The following PROZ variants were observed in gnomAD, a reference collection of about 807,000 sequenced individuals.
PROZ encodes vitamin K-dependent protein Z.
A neutral mutation model predicts 34.9 loss-of-function variants in PROZ; 46 were observed. The observed-to-expected ratio is 1.32, with a 90% CI of 1.04 to 1.69. The LOEUF is 1.69. Among genes scored for constraint, PROZ ranks in the 40% most tolerant of loss-of-function variants. The probability of loss-of-function intolerance (pLI) is 0.00; values close to 1 mark genes in which losing one functional copy is unlikely to be tolerated. For synonymous variants in PROZ, 195 were observed against 208.5 expected, an observed-to-expected ratio of 0.94 and a Z score of 0.56; for missense variants, 530 against 520.4, an observed-to-expected ratio of 1.02 and a Z score of -0.18.
chr13:113,170,664 G>T, intron 7 of PROZ, 134 bp downstream of exon 7: 1 of 666,980 alleles, frequency 1.5e-6, no homozygotes, highest in Non-Finnish European at 2.7e-6. Flanking sequence ...ATAAAACTGA[G>T]ATACTTATCA....
At position 113,159,048 on chromosome 13, in the gene PROZ, G is replaced by C. The variant is rs970792845; in HGVS notation, c.70+318G>C. The C allele has an allele frequency of 4.4e-6, 3 of 678,744 alleles. No homozygotes were observed. Among genetic ancestry groups the C allele is most frequent in the Non-Finnish European group, 7.8e-6 (3 of 386,422 alleles). 42.0% of individuals were successfully genotyped at this position (678,744 alleles called of 1,614,324 possible). A position where few individuals can be genotyped will look rare whatever the true frequency, so the allele number is the denominator to read the frequency against. On this transcript the variant is annotated intron_variant, in intron 1 of 7. Transcript: ENST00000375547. This position sits in a 1 kb window ranked among gnomAD's most constrained non-coding sequence, Gnocchi z 4.6. ...TGGGGGGAGGCCTGGGTTGGGCATT[G>C]GACGAGGGGAGGGGGTGGGGCAGGC...
intron 3 of PROZ, among the ~76,000 whole-genome samples, chr13:113,161,907 G>C (rs1242083813): frequency 9.2e-5 from 3 of 32,716 alleles, no homozygotes; most frequent in East Asian, 1.1e-3. Context: ...TCCTGCTCAG[G>C]TCCCCGTCCC....
In PROZ at chr13:113,171,251, C is replaced by T. The variant is rs906381331; in HGVS notation, c.692-343C>T. ...AAATATTTTTCAATCAACAAAATAACGTGAAAACCACTTCTCAACAGCCAA... is the reference window on the plus strand; with the variant it reads ...AAATATTTTTCAATCAACAAAATAATGTGAAAACCACTTCTCAACAGCCAA... On this transcript the variant is annotated intron_variant, in intron 7 of 7. Transcript: ENST00000375547. The surrounding 1 kb of genome is among the most constrained non-coding windows in gnomAD (Gnocchi z 5.1). Among the ~76,000 whole-genome samples the T allele has an allele frequency of 6.6e-6, 1 of 152,174 alleles. No individual in the cohort carries two copies. The highest frequency in any genetic ancestry group is 1.5e-5 in the Non-Finnish European group (1 of 68,038).
chr13:113,163,530 T>C (rs1362628483), intron 4 of PROZ, among the ~76,000 whole-genome samples: 1 of 152,174 alleles, frequency 6.6e-6, no homozygotes, highest in East Asian at 1.9e-4. Context: ...CAAATGTCAG[T>C]GTCCATCATC....
At chr13:113,164,859 C>A in intron 5 of PROZ, 194 bp from the exon 6 acceptor site, 2 of 945,154 alleles carry the variant, frequency 2.1e-6, no homozygotes, top group South Asian at 1.5e-5. Context: ...TGAGCTAAAC[C>A]ATGAGTGCTG....
rs1319285988 is a variant in PROZ, at chr13:113,172,114, CAGCT to C, written c.*13_*16del. On this transcript the variant is annotated 3_prime_UTR_variant, in exon 8 of 8. Coordinates refer to ENST00000375547, the MANE Select transcript of PROZ (RefSeq NM_003891.3). The stretch of plus-strand genomic sequence containing the variant: ...AACAGATCATGAACTAACTGAAACT[CAGCT>C]AGCCAGAATGAACAACACAACCGGA... The C allele has an allele frequency of 6.2e-7, 1 of 1,611,964 alleles. No individual in the cohort carries two copies. Among genetic ancestry groups the C allele is most frequent in the East Asian group, 2.2e-5 (1 of 44,868 alleles).
intron 6 of PROZ, among the ~76,000 whole-genome samples, chr13:113,169,907 C>T (rs1282925126): frequency 2.6e-5 from 4 of 152,360 alleles, no homozygotes; most frequent in Non-Finnish European, 4.4e-5. Flanking sequence ...TCTCCTCTGC[C>T]GGACTCTGTT....
At chr13:113,170,353 T>C in intron 6 of PROZ, 60 bp from the exon 7 acceptor site, 1 of 1,058,860 alleles carries the variant, frequency 9.4e-7, no homozygotes, top group South Asian at 1.3e-5. Context: ...CAGTAGACTT[T>C]ACTGCCCCTA....
chr13:113,171,642 T>TC lies in PROZ; in HGVS notation c.742dup (p.His248ProfsTer7). The TC allele has an allele frequency of 1.9e-6, 3 of 1,614,146 alleles. No homozygotes were observed. The highest frequency in any genetic ancestry group is 2.5e-6 in the Non-Finnish European group (3 of 1,180,034). The stretch of plus-strand genomic sequence containing the variant: ...CCGCTGATGATCAAGATAACGCACG[T>TC]CCATGTGCACATGCGGTATGACGCG... On this transcript the variant is annotated frameshift_variant, in exon 8 of 8. Coordinates refer to ENST00000375547, the MANE Select transcript of PROZ (RefSeq NM_003891.3). LOFTEE classifies it low-confidence loss of function (END_TRUNC). This position sits in a 1 kb window ranked among gnomAD's most constrained non-coding sequence, Gnocchi z 5.1.
At chr13:113,163,935 G>A (rs2036829890) in intron 4 of PROZ, among the ~76,000 whole-genome samples, 1 of 149,992 alleles carries the variant, frequency 6.7e-6, no homozygotes, top group Non-Finnish European at 1.5e-5. Context: ...TGTGGAAAAA[G>A]GACAAATAGA....
At position 113,160,085 on chromosome 13, in the gene PROZ, G is replaced by T. The variant is rs773539374; in HGVS notation, c.142G>T (p.Glu48Ter). ...GCGTGCGGGCTCCTATCTTCTGGAAGAACTCTTCGAGGGAAACTTGGAAAA... is the reference window on the plus strand; with the variant it reads ...GCGTGCGGGCTCCTATCTTCTGGAATAACTCTTCGAGGGAAACTTGGAAAA... ...WKRAGSYLLEELFEGNLEKEC... is the reference protein window; with the variant it reads ...WKRAGSYLLE Residue 48 changes from glutamate (E) to a stop codon, truncating the protein, a stop_gained, in exon 2 of 8, where the codon GAA becomes TAA. Transcript: ENST00000375547. LOFTEE classifies it high-confidence loss of function. 6.2e-7 allele frequency: 1 copy of T among 1,614,172 alleles called. No homozygotes were observed. The highest frequency in any genetic ancestry group is 1.3e-5 in the African/African-American group (1 of 75,064).
rs575483729 is a variant in PROZ, at chr13:113,164,083, G to A, written c.374-430G>A. Among the ~76,000 whole-genome samples, 11 of 151,832 alleles carry A rather than the reference G, an allele frequency of 7.2e-5. No individual in the cohort carries two copies. The South Asian group carries it at 1.3e-3, about 17-fold the overall frequency. On this transcript the variant is annotated intron_variant, in intron 4 of 7. Coordinates refer to ENST00000375547, the MANE Select transcript of PROZ (RefSeq NM_003891.3). ...AACCTTTTGCCTCCTGGGTTCAAGT[G>A]ATTCTCCTGCCTCAGCCTCCCGAGT...
chr13:113,164,093 C>T (rs995315354), intron 4 of PROZ, among the ~76,000 whole-genome samples: 2 of 151,896 alleles, frequency 1.3e-5, no homozygotes, highest in African/African-American at 4.8e-5. Flanking sequence ...GATTCTCCTG[C>T]CTCAGCCTCC....
chr13:113,167,806 C>T (rs536440432), intron 6 of PROZ, among the ~76,000 whole-genome samples: 3 of 133,836 alleles, frequency 2.2e-5, no homozygotes, highest in African/African-American at 5.3e-5. Context: ...GATATGTTTA[C>T]GGTTAAAGCT....
At chr13:113,169,803 C>T (rs3024762) in intron 6 of PROZ, among the ~76,000 whole-genome samples, 3 of 152,328 alleles carry the variant, frequency 2.0e-5, no homozygotes, top group East Asian at 3.9e-4. Flanking sequence ...GGTTCTTACC[C>T]GGCCATAATT....
intron 4 of PROZ, among the ~76,000 whole-genome samples, chr13:113,163,388 C>CCCG (rs1449362215): frequency 6.6e-6 from 1 of 152,180 alleles, no homozygotes; most frequent in Admixed American, 6.5e-5. Context: ...CTCCCCCCAC[C>CCCG]ACCTCAACCA....
intron 6 of PROZ, among the ~76,000 whole-genome samples, chr13:113,168,760 G>A (rs899782516): frequency 2.6e-5 from 4 of 151,962 alleles, no homozygotes; most frequent in African/African-American, 9.7e-5. Context: ...ACCGGGTCTC[G>A]CCCTATTGCC....
Position 113,171,089 on chromosome 13 carries a change from A to C in PROZ, c.692-505A>C, listed in dbSNP as rs1566932411. The stretch of plus-strand genomic sequence containing the variant: ...AGGCATGCACCACCATATCCCACTA[A>C]TTTTTTGTATTTTTAGTAGAAATGG... On this transcript the variant is annotated intron_variant, in intron 7 of 7. Coordinates refer to ENST00000375547, the MANE Select transcript of PROZ (RefSeq NM_003891.3). This position sits in a 1 kb window ranked among gnomAD's most constrained non-coding sequence, Gnocchi z 5.1. Among the ~76,000 whole-genome samples the C allele has an allele frequency of 6.6e-6, 1 of 151,790 alleles. No homozygotes were observed. The highest frequency in any genetic ancestry group is 2.4e-5 in the African/African-American group (1 of 41,278).
chr13:113,160,691 T>C (rs2036744511), intron 2 of PROZ, among the ~76,000 whole-genome samples: 1 of 152,168 alleles, frequency 6.6e-6, no homozygotes, highest in African/African-American at 2.4e-5. Flanking sequence ...GTTTGTGCCA[T>C]GTCATAGACT....
Sources: allele counts gnomAD v4.1 joint callset (sites outside exome capture counted in the v4.1 genomes callset), GRCh38; gene constraint gnomAD v4.1.1; non-coding constraint Gnocchi (gnomAD v3.1); transcripts MANE v1.5; gene names NCBI Gene and HGNC (gene_info 2026-07-23, HGNC 2026-07-21).